XIRP2: variants seen among roughly 807,000 people sequenced by gnomAD.
XIRP2 encodes the protein xin actin binding repeat containing 2.
A neutral mutation model predicts 277.0 loss-of-function variants in XIRP2; 236 were observed. That is an observed-to-expected ratio of 0.85 (90% confidence interval 0.77 to 0.95). The LOEUF (loss-of-function observed/expected upper bound fraction) is 0.95, where lower values mean the gene tolerates loss of function less well. XIRP2 is among the 40% of genes least tolerant of loss of function. The pLI is 0.00. For missense variants in XIRP2, 4,640 were observed against 4,157.5 expected, an observed-to-expected ratio of 1.12 and a Z score of -3.19; for synonymous variants, 1,490 against 1,416.5, an observed-to-expected ratio of 1.05 and a Z score of -1.17.
chr2:167,094,466 T>C (rs1368852399), intron 2 of XIRP2, among the ~76,000 whole-genome samples: 2 of 152,232 alleles, frequency 1.3e-5, no homozygotes, highest in African/African-American at 4.8e-5. Flanking sequence ...ATTTAAGTCT[T>C]TAATCCATCT....
intron 5 of XIRP2, among the ~76,000 whole-genome samples, chr2:167,233,029 A>G (rs1282191335): frequency 6.6e-6 from 1 of 152,004 alleles, no homozygotes; most frequent in Non-Finnish European, 1.5e-5. Flanking sequence ...ATTCTATGAT[A>G]GAAAATATAA....
chr2:167,244,360 G>A lies in XIRP2; in HGVS notation c.2968G>A (p.Ala990Thr). The change falls in exon 9 of 11, where the codon GCC becomes ACC. Residue 990 changes from alanine (A) to threonine (T), a missense_variant. Transcript: ENST00000409195. ...TCTCTTCGAGACAACACCACTGTAT[G>A]CCATTCAAGATCCCCTTGGAAAATA... ...KSLFETTPLY[A>T]IQDPLGKYHQ... 1 of 1,613,584 alleles carries A rather than the reference G, an allele frequency of 6.2e-7. No individual in the cohort carries two copies. Among genetic ancestry groups the A allele is most frequent in the Non-Finnish European group, 8.5e-7 (1 of 1,179,776 alleles).
intron 2 of XIRP2, among the ~76,000 whole-genome samples, chr2:167,076,369 A>T (rs1345992743): frequency 6.6e-6 from 1 of 152,216 alleles, no homozygotes; most frequent in Admixed American, 6.5e-5. Context: ...GTAAAACAAC[A>T]CCATGGAGGG....
chr2:166,931,432 C>T (rs1353609083), intron 2 of XIRP2, among the ~76,000 whole-genome samples: 1 of 152,146 alleles, frequency 6.6e-6, no homozygotes, highest in Non-Finnish European at 1.5e-5. Context: ...CCAATAGCAC[C>T]TTACCCATAG....
intron 2 of XIRP2, among the ~76,000 whole-genome samples, chr2:167,026,444 A>T (rs1688162185): frequency 1.3e-5 from 2 of 152,140 alleles, no homozygotes; most frequent in East Asian, 1.9e-4. Flanking sequence ...TGGAGCATTT[A>T]TCCCATTGAT....
Position 167,096,395 on chromosome 2 carries a change from TC to T in XIRP2, c.409-39510del, listed in dbSNP as rs200589190. Reference sequence around the variant, plus strand: ...TATTTCTGTGGGATCAGTGGTGATCTCCCCTTTATCATTTTTTATTGTGTCT... The same window carrying T: ...TATTTCTGTGGGATCAGTGGTGATCTCCCTTTATCATTTTTTATTGTGTCT... On this transcript the variant is annotated intron_variant, in intron 2 of 10. Transcript: ENST00000409195. Among the ~76,000 whole-genome samples the T allele has an allele frequency of 7.0e-3, 1,061 of 152,286 alleles. 13 individuals are homozygous for T. The highest frequency in any genetic ancestry group is 0.024 in the African/African-American group (1,002 of 41,570).
chr2:166,908,316 G>A (rs7424883), intron 2 of XIRP2, among the ~76,000 whole-genome samples: 27,197 of 152,060 alleles, frequency 0.18, 3,096 homozygotes, highest in Admixed American at 0.26. Flanking sequence ...TCTAACTGGT[G>A]TGAGATGGTA....
At chr2:167,050,223 C>T (rs1190473053) in intron 2 of XIRP2, among the ~76,000 whole-genome samples, 3 of 151,940 alleles carry the variant, frequency 2.0e-5, no homozygotes, top group African/African-American at 4.8e-5. Context: ...TTAAAGAAGC[C>T]GTTACCTTTC....
intron 2 of XIRP2, among the ~76,000 whole-genome samples, chr2:167,055,511 G>C (rs1689017836): frequency 6.6e-6 from 1 of 152,174 alleles, no homozygotes; most frequent in Non-Finnish European, 1.5e-5. Context: ...AGGTATAAAT[G>C]TGGGAGAATT....
In XIRP2 at chr2:167,243,837, A is replaced by AC. The variant is rs748654965; in HGVS notation, c.2447dup (p.Leu817PhefsTer13). 6.2e-7 allele frequency: 1 copy of AC among 1,613,988 alleles called. No homozygotes were observed. The highest frequency in any genetic ancestry group is 1.1e-5 in the South Asian group (1 of 91,068). On this transcript the variant is annotated frameshift_variant, in exon 9 of 11. Transcript: ENST00000409195. LOFTEE classifies it high-confidence loss of function. ...AGGCAAAGTGGTTATTTGAAACCCA[A>AC]CCTTTGGAGAAAATCAAAGAGTCAG...
chr2:166,939,855 C>A (rs1326850024), intron 2 of XIRP2, among the ~76,000 whole-genome samples: 2 of 152,136 alleles, frequency 1.3e-5, no homozygotes, highest in Non-Finnish European at 2.9e-5. Flanking sequence ...GGTAACCCGA[C>A]CTTTCTCTCT....
intron 2 of XIRP2, among the ~76,000 whole-genome samples, chr2:166,916,700 G>A (rs1684893050): frequency 6.6e-6 from 1 of 151,992 alleles, no homozygotes; most frequent in Non-Finnish European, 1.5e-5. Flanking sequence ...GATCATTTTT[G>A]GTTAGAGAAT....
At chr2:167,224,928 A>G (rs924472142) in intron 5 of XIRP2, among the ~76,000 whole-genome samples, 1 of 152,214 alleles carries the variant, frequency 6.6e-6, no homozygotes, top group East Asian at 1.9e-4. Context: ...TGAAATGAGC[A>G]TACCTGTACG....
chr2:167,097,691 C>G (rs1308317303), intron 2 of XIRP2, among the ~76,000 whole-genome samples: 2 of 152,108 alleles, frequency 1.3e-5, no homozygotes, highest in East Asian at 3.8e-4. Context: ...TGGTTGGTAC[C>G]AGTTTTTCCT....
chr2:167,201,244 AAGAAAGAAAGAAAGAAAGAG>A lies in XIRP2; in HGVS notation c.563-9487_563-9468del, dbSNP rs1331793072. Among the ~76,000 whole-genome samples, 448 of 90,776 alleles carry A rather than the reference AAGAAAGAAAGAAAGAAAGAG, an allele frequency of 4.9e-3. 5 individuals are homozygous for A. Among genetic ancestry groups the A allele is most frequent in the African/African-American group, 0.015 (226 of 14,776 alleles). 59.6% of individuals were successfully genotyped at this position (90,776 alleles called of 152,430 possible). A position where few individuals can be genotyped will look rare whatever the true frequency, so the allele number is the denominator to read the frequency against. ...AAAGAAAGAAAGAAAGAAAGAAAGA[AAGAAAGAAAGAAAGAAAGAG>A]AGAGGGAGAAAGGAAAGAAGGAAGG... On this transcript the variant is annotated intron_variant, in intron 3 of 10. Transcript: ENST00000409195.
At chr2:166,902,835 A>T (rs898628789) in intron 1 of XIRP2, among the ~76,000 whole-genome samples, 1 of 152,062 alleles carries the variant, frequency 6.6e-6, no homozygotes, top group African/African-American at 2.4e-5. Context: ...TGGGCAAATT[A>T]CTATTTAATT....
chr2:166,964,409 A>G (rs1431733415), intron 2 of XIRP2, among the ~76,000 whole-genome samples: 2 of 151,838 alleles, frequency 1.3e-5, no homozygotes, highest in African/African-American at 4.8e-5. Flanking sequence ...TATTTTTTTA[A>G]GAAATGTCAG....
In XIRP2 at chr2:166,945,663, C is replaced by CTTT. The variant is rs71395267; in HGVS notation, c.408+41796_408+41798dup. Among the ~76,000 whole-genome samples, 299 of 69,266 alleles carry CTTT rather than the reference C, an allele frequency of 4.3e-3. 1 individual carries two copies. Among genetic ancestry groups the CTTT allele is most frequent in the African/African-American group, 6.8e-3 (113 of 16,624 alleles). The allele number at this position is 69,266 out of a possible 152,430, so 45.4% of individuals were successfully genotyped here. Reference sequence around the variant, plus strand: ...ATGGCACTGCTTTACTAAGATAAATCTTTTTTTTTTTTTTTTTTTTTTTTT... The same window carrying CTTT: ...ATGGCACTGCTTTACTAAGATAAATCTTTTTTTTTTTTTTTTTTTTTTTTTTTT... On this transcript the variant is annotated intron_variant, in intron 2 of 10. Transcript: ENST00000409195.
At chr2:167,037,844 G>A (rs549793361) in intron 2 of XIRP2, among the ~76,000 whole-genome samples, 6 of 152,028 alleles carry the variant, frequency 3.9e-5, no homozygotes, top group Non-Finnish European at 7.4e-5. Flanking sequence ...GGCTAAACCT[G>A]CAATTATACT....
Sources: allele counts gnomAD v4.1 joint callset (sites outside exome capture counted in the v4.1 genomes callset), GRCh38; gene constraint gnomAD v4.1.1; transcripts MANE v1.5; gene names NCBI Gene and HGNC (gene_info 2026-07-23, HGNC 2026-07-21).